The following NRG1 variants were observed in gnomAD, a reference collection of about 807,000 sequenced individuals.
The protein encoded by NRG1 is neuregulin 1.
Under a neutral mutation model 63.8 loss-of-function variants are expected in NRG1, and 18 were observed. The ratio of observed to expected loss-of-function variants is 0.28; its 90% CI spans 0.19 to 0.42. The LOEUF is 0.42. NRG1 is among the 10% of genes least tolerant of loss of function. The probability of loss-of-function intolerance (pLI) is 1.00; values close to 1 mark genes in which losing one functional copy is unlikely to be tolerated. For missense variants in NRG1, 762 were observed against 814.7 expected, an observed-to-expected ratio of 0.94 and a Z score of 0.79; for synonymous variants, 302 against 301.3, an observed-to-expected ratio of 1.00 and a Z score of -0.02.
At chr8:32,058,140 A>AT (rs919763588) in intron 1 of NRG1, among the ~76,000 whole-genome samples, 1 of 152,070 alleles carries the variant, frequency 6.6e-6, no homozygotes, top group Non-Finnish European at 1.5e-5. Flanking sequence ...ATCAATTTAA[A>AT]TTTTTTTAAA....
chr8:32,053,447 T>C (rs1478037669), intron 1 of NRG1, among the ~76,000 whole-genome samples: 1 of 152,196 alleles, frequency 6.6e-6, no homozygotes, highest in Non-Finnish European at 1.5e-5. Context: ...TCTGGGACAC[T>C]CTTCTGCTCA....
chr8:31,663,014 G>T (rs1806156512), intron 1 of NRG1, among the ~76,000 whole-genome samples: 1 of 152,138 alleles, frequency 6.6e-6, no homozygotes, highest in South Asian at 2.1e-4. Flanking sequence ...GACTCCACAT[G>T]CTTCTTGCCT....
At chr8:32,018,567 A>G (rs566630775) in intron 1 of NRG1, among the ~76,000 whole-genome samples, 2 of 152,304 alleles carry the variant, frequency 1.3e-5, no homozygotes, top group South Asian at 2.1e-4. Flanking sequence ...TCTGAGTAAA[A>G]TGCTTTTTAT....
intron 1 of NRG1, among the ~76,000 whole-genome samples, chr8:32,044,719 A>T (rs1820649824): frequency 7.2e-6 from 1 of 138,964 alleles, no homozygotes; most frequent in South Asian, 2.2e-4. Flanking sequence ...CTCTACAGTC[A>T]AAGAAGAAGT....
chr8:32,152,840 G>T (rs1301581326), intron 1 of NRG1, among the ~76,000 whole-genome samples: 3 of 152,086 alleles, frequency 2.0e-5, no homozygotes, highest in Non-Finnish European at 2.9e-5. Flanking sequence ...TAGTAAATTT[G>T]CCTGCTGTGA....
At chr8:32,071,170 C>T (rs951028804) in intron 1 of NRG1, among the ~76,000 whole-genome samples, 6 of 152,288 alleles carry the variant, frequency 3.9e-5, no homozygotes, top group East Asian at 1.9e-4. Flanking sequence ...TTTTCTCTTG[C>T]GCATTGGCCA....
intron 1 of NRG1, among the ~76,000 whole-genome samples, chr8:31,726,714 C>A (rs1813483639): frequency 6.6e-6 from 1 of 152,064 alleles, no homozygotes; most frequent in Non-Finnish European, 1.5e-5. Flanking sequence ...GCAGTAGAAT[C>A]CCATCTGATC....
intron 1 of NRG1, among the ~76,000 whole-genome samples, chr8:32,538,393 T>C (rs1234973768): frequency 6.6e-6 from 1 of 152,234 alleles, no homozygotes; most frequent in African/African-American, 2.4e-5. Flanking sequence ...AAGAAATTGA[T>C]TGAACCTTAT....
chr8:32,566,917 G>A (rs1271244146), intron 1 of NRG1, among the ~76,000 whole-genome samples: 3 of 152,114 alleles, frequency 2.0e-5, no homozygotes, highest in Non-Finnish European at 4.4e-5. Context: ...GCAGTGGCGC[G>A]ATCTCAGCTC....
intron 5 of NRG1, among the ~76,000 whole-genome samples, chr8:32,708,027 A>G (rs535001770): frequency 2.0e-5 from 3 of 152,220 alleles, no homozygotes; most frequent in South Asian, 4.1e-4. Flanking sequence ...AAACAAAATA[A>G]TAGTGGCAGT....
Position 31,872,461 on chromosome 8 carries a change from G to A in NRG1, c.37+233030G>A, listed in dbSNP as rs538090384. Among the ~76,000 whole-genome samples, 149 of 152,216 alleles carry A rather than the reference G, an allele frequency of 9.8e-4. 1 individual carries two copies. The highest frequency in any genetic ancestry group is 1.7e-3 in the South Asian group (8 of 4,826). ...AAGAGTAGGTCCAGAATAAATAAAA[G>A]TTTTTCATTTTCCTGGTGGCATCTG... On this transcript the variant is annotated intron_variant, in intron 1 of 10. Coordinates refer to the NRG1 transcript ENST00000519301.
intron 1 of NRG1, among the ~76,000 whole-genome samples, chr8:32,296,284 A>G (rs1480942989): frequency 6.6e-6 from 1 of 152,010 alleles, no homozygotes; most frequent in African/African-American, 2.4e-5. Flanking sequence ...AAAGCAAGGA[A>G]GTAATGTTCA....
At chr8:31,716,036 T>C (rs549538123) in intron 1 of NRG1, among the ~76,000 whole-genome samples, 11 of 152,190 alleles carry the variant, frequency 7.2e-5, no homozygotes, top group Non-Finnish European at 1.5e-4. Context: ...CTAATAGCAA[T>C]TGCGTGAATG....
intron 1 of NRG1, among the ~76,000 whole-genome samples, chr8:32,595,064 C>T (rs1385648838): frequency 3.9e-5 from 6 of 152,116 alleles, no homozygotes; most frequent in African/African-American, 1.4e-4. Context: ...TTAAACTTCC[C>T]GATTTTAAAA....
At chr8:31,695,670 G>C (rs1406620876) in intron 1 of NRG1, among the ~76,000 whole-genome samples, 1 of 152,208 alleles carries the variant, frequency 6.6e-6, no homozygotes, top group Non-Finnish European at 1.5e-5. Flanking sequence ...ACTTAATGTA[G>C]ATAGTTTCTG....
At chr8:32,563,945 T>C (rs1836940753) in intron 1 of NRG1, among the ~76,000 whole-genome samples, 1 of 152,174 alleles carries the variant, frequency 6.6e-6, no homozygotes, top group Non-Finnish European at 1.5e-5. Flanking sequence ...AACTTTCTAT[T>C]ACTAAGATCC....
At chr8:32,665,485 C>T (rs1803898879) in intron 5 of NRG1, among the ~76,000 whole-genome samples, 12 of 152,084 alleles carry the variant, frequency 7.9e-5, no homozygotes, top group Admixed American at 7.9e-4. Flanking sequence ...TTCTGATGTC[C>T]AGCAGTTAAT....
chr8:32,394,397 G>A (rs550404746), intron 1 of NRG1, among the ~76,000 whole-genome samples: 1 of 152,268 alleles, frequency 6.6e-6, no homozygotes, highest in African/African-American at 2.4e-5. Flanking sequence ...CTTAAGCCAC[G>A]TTTTATCTAC....
Position 31,640,775 on chromosome 8 carries a change from G to T in NRG1, c.37+1344G>T. ...GGCGCGAACCCGCGGCGAGGAGGGC[G>T]CATCCCGGGCGCGCGGGCAGCGGGG... is the stretch of plus-strand genomic sequence containing the variant. On this transcript the variant is annotated intron_variant, in intron 1 of 10. Coordinates refer to the NRG1 transcript ENST00000519301. The surrounding 1 kb of genome is among the most constrained non-coding windows in gnomAD (Gnocchi z 6.3). The T allele has an allele frequency of 6.9e-7, 1 of 1,449,612 alleles. No individual in the cohort carries two copies. The allele number at this position is 1,449,612 out of a possible 1,614,324, so 89.8% of individuals were successfully genotyped here.
Sources: gnomAD v4.1 joint callset for allele counts (sites outside exome capture counted in the v4.1 genomes callset) on GRCh38, gnomAD v4.1.1 for gene constraint, Gnocchi (gnomAD v3.1) non-coding constraint, MANE v1.5 for transcripts, NCBI Gene and HGNC (gene_info 2026-07-23, HGNC 2026-07-21) for gene names.